The following CACNA1E variants were observed in gnomAD, a reference collection of about 807,000 sequenced individuals.
CACNA1E encodes voltage-dependent R-type calcium channel subunit alpha-1E.
A neutral mutation model predicts 259.2 loss-of-function variants in CACNA1E; 40 were observed. The ratio of observed to expected loss-of-function variants is 0.15; its 90% CI spans 0.12 to 0.20. The LOEUF (loss-of-function observed/expected upper bound fraction) is 0.20. Ranked by LOEUF, CACNA1E falls within the 10% of genes least tolerant of loss-of-function variation. The pLI, the probability that CACNA1E is intolerant of heterozygous loss-of-function variation, is 1.00. For missense variants in CACNA1E, 1,874 were observed against 3,040.1 expected, an observed-to-expected ratio of 0.62 and a Z score of 9.02; for synonymous variants, 1,104 against 1,138.5, an observed-to-expected ratio of 0.97 and a Z score of 0.61.
chr1:181,415,536 A>G (rs1308636610), intron 2 of CACNA1E, among the ~76,000 whole-genome samples: 1 of 152,168 alleles, frequency 6.6e-6, no homozygotes, highest in East Asian at 1.9e-4. Context: ...GTATAGGGAC[A>G]AAGAAGTAAG....
In CACNA1E at chr1:181,798,252, C is replaced by T. The variant is rs772466211; in HGVS notation, c.6400-40C>T. ...ACAGAGTTGCAAGTAGGGATCATGC[C>T]AAGCCCAATCTAACATGCCATGTCT... On this transcript the variant is annotated intron_variant, in intron 47 of 47. Transcript: ENST00000367573. This position sits in a 1 kb window ranked among gnomAD's most constrained non-coding sequence, Gnocchi z 4.2. The T allele has an allele frequency of 6.6e-7, 1 of 1,517,760 alleles. No homozygotes were observed. The highest frequency in any genetic ancestry group is 8.9e-7 in the Non-Finnish European group (1 of 1,123,498). The allele number at this position is 1,517,760 out of a possible 1,614,324, so 94.0% of individuals were successfully genotyped here. A position where few individuals can be genotyped will look rare whatever the true frequency, so the allele number is the denominator to read the frequency against.
intron 18 of CACNA1E, among the ~76,000 whole-genome samples, chr1:181,729,497 G>A (rs1265275621): frequency 6.6e-6 from 1 of 152,240 alleles, no homozygotes; most frequent in Non-Finnish European, 1.5e-5. Context: ...CAAAGTGCCT[G>A]AGTGCTAGTT....
chr1:181,326,736 A>G (rs1276574398), intron 1 of CACNA1E, among the ~76,000 whole-genome samples: 1 of 152,138 alleles, frequency 6.6e-6, no homozygotes, highest in Non-Finnish European at 1.5e-5. Context: ...ACTTCAGCAC[A>G]TCATAGTGTC....
chr1:181,674,617 G>A (rs141832899), intron 7 of CACNA1E, among the ~76,000 whole-genome samples: 1 of 152,194 alleles, frequency 6.6e-6, no homozygotes, highest in Admixed American at 6.5e-5. Flanking sequence ...CCTCAGCTGC[G>A]AATTCCCATG....
At chr1:181,787,118 T>TTTTG (rs747821488) in intron 43 of CACNA1E, among the ~76,000 whole-genome samples, 9 of 151,982 alleles carry the variant, frequency 5.9e-5, no homozygotes, top group Non-Finnish European at 1.3e-4. Flanking sequence ...TTACACTGTT[T>TTTTG]TTTGTTTGTT....
intron 6 of CACNA1E, among the ~76,000 whole-genome samples, chr1:181,641,492 A>T (rs1003273867): frequency 8.8e-5 from 13 of 147,742 alleles, no homozygotes; most frequent in African/African-American, 3.3e-4. Context: ...TTGATTGGCC[A>T]TCTGAATCCA....
In CACNA1E at chr1:181,686,374, C is replaced by T. The variant is rs559447633; in HGVS notation, c.1056-24580C>T. 6.8e-5 allele frequency among the ~76,000 whole-genome samples: 9 copies of T among 132,664 alleles called. 1 individual carries two copies. The highest frequency in any genetic ancestry group is 5.4e-4 in the Admixed American group (6 of 11,086). 87.0% of individuals were successfully genotyped at this position (132,664 alleles called of 152,430 possible). A position where few individuals can be genotyped will look rare whatever the true frequency, so the allele number is the denominator to read the frequency against. On this transcript the variant is annotated intron_variant, in intron 7 of 47. Coordinates refer to ENST00000367573, the MANE Select transcript of CACNA1E (RefSeq NM_001205293.3). ...CGATCTTGGCTCACTGCAACCTCTA[C>T]TTCCTGGGTTCAAGCGATTCTCCTG...
chr1:181,782,741 C>T (rs567778708), intron 39 of CACNA1E, among the ~76,000 whole-genome samples: 1 of 152,292 alleles, frequency 6.6e-6, no homozygotes, highest in East Asian at 1.9e-4. Flanking sequence ...CTCATTCCCC[C>T]CAGTACATGG....
Position 181,798,516 on chromosome 1 carries a change from C to G in CACNA1E, c.6624C>G (p.Thr2208=). The part of the protein sequence containing the change: ...QALESNNACL[T]ESSNSPHPQQ... ...TGGAGAGCAACAATGCTTGCCTGAC[C>G]GAGTCTTCCAACTCTCCGCACCCCC... is the stretch of plus-strand genomic sequence containing the variant. Residue 2208 remains threonine, a synonymous_variant, in exon 48 of 48, where the codon ACC becomes ACG. Transcript: ENST00000367573. The surrounding 1 kb of genome is among the most constrained non-coding windows in gnomAD (Gnocchi z 4.2). 2 of 1,613,898 alleles carry G rather than the reference C, an allele frequency of 1.2e-6. No individual in the cohort carries two copies. Among genetic ancestry groups the G allele is most frequent in the South Asian group, 1.1e-5 (1 of 91,090 alleles).
At chr1:181,630,170 G>A (rs1486807315) in intron 6 of CACNA1E, among the ~76,000 whole-genome samples, 1 of 152,150 alleles carries the variant, frequency 6.6e-6, no homozygotes, top group African/African-American at 2.4e-5. Flanking sequence ...TTTGTATGCA[G>A]TTGTATACAT....
At chr1:181,526,433 CCTG>C (rs1352641430) in intron 3 of CACNA1E, among the ~76,000 whole-genome samples, 7 of 148,722 alleles carry the variant, frequency 4.7e-5, no homozygotes, top group African/African-American at 1.7e-4. Flanking sequence ...TTTTTTTACT[CCTG>C]ATGCATCTTA....
At chr1:181,475,911 T>C (rs1444058918) in intron 2 of CACNA1E, among the ~76,000 whole-genome samples, 2 of 150,736 alleles carry the variant, frequency 1.3e-5, no homozygotes, top group Non-Finnish European at 3.0e-5. Flanking sequence ...GTGGAGGGGG[T>C]AGTTGAAATG....
chr1:181,752,215 C>T lies in CACNA1E; in HGVS notation c.3804C>T (p.Thr1268=). The change falls in exon 27 of 48, where the codon ACC becomes ACT. Residue 1268 remains threonine (T), a synonymous_variant. Transcript: ENST00000367573. The part of the protein sequence containing the change: ...RVLRVLRPLK[T]IKRLPKLKAV... ...TCCGAGTTCTAAGGCCACTGAAAAC[C>T]ATCAAGCGCTTGCCCAAGCTCAAGG... 6.2e-7 allele frequency: 1 copy of T among 1,613,572 alleles called. No individual in the cohort carries two copies. Among genetic ancestry groups the T allele is most frequent in the Non-Finnish European group, 8.5e-7 (1 of 1,179,470 alleles).
intron 40 of CACNA1E, 30 bp downstream of exon 40, chr1:181,783,814 A>G (rs1489378728): frequency 1.4e-6 from 2 of 1,432,504 alleles, no homozygotes; most frequent in Admixed American, 3.4e-5. Context: ...GGAGGTGGGA[A>G]GGAGGAATTC....
chr1:181,435,444 T>G (rs1660028339), intron 2 of CACNA1E, among the ~76,000 whole-genome samples: 1 of 152,218 alleles, frequency 6.6e-6, no homozygotes, highest in African/African-American at 2.4e-5. Context: ...TTACTCACAC[T>G]TAGCTTTAGC....
chr1:181,712,541 G>C (rs189814326), intron 8 of CACNA1E, among the ~76,000 whole-genome samples: 1 of 152,124 alleles, frequency 6.6e-6, no homozygotes, highest in African/African-American at 2.4e-5. Context: ...GACCTCCAAG[G>C]GTTGAGAGGG....
At chr1:181,654,982 CAAA>C (rs1208750325) in intron 7 of CACNA1E, among the ~76,000 whole-genome samples, 9,174 of 52,452 alleles carry the variant, frequency 0.17, 259 homozygotes, top group African/African-American at 0.33. Context: ...GACTCCATCT[CAAA>C]AAAAAAAAAA....
chr1:181,699,400 G>A (rs1652013896), intron 7 of CACNA1E, among the ~76,000 whole-genome samples: 1 of 152,116 alleles, frequency 6.6e-6, no homozygotes, highest in African/African-American at 2.4e-5. Context: ...CAGGTAATGG[G>A]GCCATTAATT....
At chr1:181,605,201 C>A (rs1054838042) in intron 6 of CACNA1E, among the ~76,000 whole-genome samples, 1 of 151,326 alleles carries the variant, frequency 6.6e-6, no homozygotes, top group Admixed American at 6.6e-5. Context: ...TTAGAACAAG[C>A]AGGAAGAGTT....
Sources: gnomAD v4.1 joint callset for allele counts (sites outside exome capture counted in the v4.1 genomes callset) on GRCh38, gnomAD v4.1.1 for gene constraint, Gnocchi (gnomAD v3.1) non-coding constraint, MANE v1.5 for transcripts, NCBI Gene and HGNC (gene_info 2026-07-23, HGNC 2026-07-21) for gene names.